The following NCAM2 variants were observed in gnomAD, a reference collection of about 807,000 sequenced individuals.
NCAM2 encodes neural cell adhesion molecule 2, also known as N-CAM-2.
A neutral mutation model predicts 98.1 loss-of-function variants in NCAM2; 30 were observed. That is an observed-to-expected ratio of 0.31 (90% CI 0.23 to 0.41). The LOEUF (loss-of-function observed/expected upper bound fraction) is 0.41. Ranked by LOEUF, NCAM2 falls within the 10% of genes least tolerant of loss-of-function variation. NCAM2 has a pLI of 1.00. For missense variants in NCAM2, 867 were observed against 1,005.8 expected (o/e 0.86, Z 1.87); for synonymous variants, 368 against 342.4 (o/e 1.07, Z -0.83).
intron 6 of NCAM2, among the ~76,000 whole-genome samples, chr21:21,326,023 A>T (rs1204326697): frequency 6.6e-6 from 1 of 152,140 alleles, no homozygotes; most frequent in Non-Finnish European, 1.5e-5. Context: ...TTCATTAAGG[A>T]ATGCTATAAA....
At chr21:21,363,157 TAGAG>T (rs1397496092) in intron 8 of NCAM2, among the ~76,000 whole-genome samples, 1 of 152,118 alleles carries the variant, frequency 6.6e-6, no homozygotes, top group African/African-American at 2.4e-5. Context: ...GGCCAAATGA[TAGAG>T]AAAGTGATAA....
At chr21:21,148,315 A>T (rs2067347332) in intron 1 of NCAM2, among the ~76,000 whole-genome samples, 1 of 152,178 alleles carries the variant, frequency 6.6e-6, no homozygotes, top group African/African-American at 2.4e-5. Context: ...GCTTTCTCTA[A>T]CTTTAATACT....
rs1451011341 is a variant in NCAM2, at chr21:21,231,815, A to G, written c.56-48763A>G. Among the ~76,000 whole-genome samples, 3 of 151,466 alleles carry G rather than the reference A, an allele frequency of 2.0e-5. No individual in the cohort carries two copies. The East Asian group carries it at 5.8e-4, about 29-fold the overall frequency. On this transcript the variant is annotated intron_variant, in intron 1 of 17. Transcript: ENST00000400546. Reference sequence around the variant, plus strand: ...GAGGTCTAAGATTTCCAAACAACTGATGAATATCTCTTTAAATGTAAAACC... The same window carrying G: ...GAGGTCTAAGATTTCCAAACAACTGGTGAATATCTCTTTAAATGTAAAACC...
chr21:21,198,072 A>G (rs1215504809), intron 1 of NCAM2, among the ~76,000 whole-genome samples: 4 of 152,300 alleles, frequency 2.6e-5, no homozygotes, highest in South Asian at 2.1e-4. Flanking sequence ...GAGTTAACAT[A>G]TATGAAAACC....
intron 11 of NCAM2, among the ~76,000 whole-genome samples, chr21:21,427,260 GA>G (rs2077234825): frequency 6.6e-6 from 1 of 151,364 alleles, no homozygotes; most frequent in Admixed American, 6.6e-5. Flanking sequence ...ACAGTAATAA[GA>G]CTGAGAAGAA....
chr21:21,343,253 A>G (rs1568956721), intron 8 of NCAM2, among the ~76,000 whole-genome samples: 2 of 152,016 alleles, frequency 1.3e-5, no homozygotes, highest in Non-Finnish European at 2.9e-5. Context: ...TGCCATATAA[A>G]ACAATCTAGA....
intron 1 of NCAM2, among the ~76,000 whole-genome samples, chr21:21,102,175 T>C (rs1206970750): frequency 6.6e-6 from 1 of 152,044 alleles, no homozygotes; most frequent in Non-Finnish European, 1.5e-5. Context: ...AAAACATGAC[T>C]CTTCAGGATT....
At chr21:21,054,680 A>C (rs2065178970) in intron 1 of NCAM2, among the ~76,000 whole-genome samples, 3 of 152,052 alleles carry the variant, frequency 2.0e-5, no homozygotes, top group Admixed American at 6.6e-5. Flanking sequence ...GAAATGAATT[A>C]AAAGTTTGAC....
chr21:21,263,787 G>A (rs1400066636), intron 1 of NCAM2, among the ~76,000 whole-genome samples: 1 of 152,128 alleles, frequency 6.6e-6, no homozygotes, highest in Non-Finnish European at 1.5e-5. Context: ...ATGATGCTGA[G>A]TAAACAGGCT....
chr21:21,240,353 T>C (rs2071015668), intron 1 of NCAM2, among the ~76,000 whole-genome samples: 1 of 145,372 alleles, frequency 6.9e-6, no homozygotes, highest in African/African-American at 2.6e-5. Flanking sequence ...AAATATATTA[T>C]ATAATTTTGC....
chr21:21,534,690 T>A (rs1372167141), intron 17 of NCAM2, 34 bp downstream of exon 17: 3 of 1,510,132 alleles, frequency 2.0e-6, no homozygotes, highest in Non-Finnish European at 2.7e-6. Flanking sequence ...TATGTTCAAA[T>A]GGGTATTGGC....
At chr21:21,210,799 G>GA (rs754637649) in intron 1 of NCAM2, 15 of 404,412 alleles carry the variant, frequency 3.7e-5, no homozygotes, top group Non-Finnish European at 6.0e-5. Flanking sequence ...CCTAGAGGGA[G>GA]AATGTGTCTT....
intron 5 of NCAM2, among the ~76,000 whole-genome samples, chr21:21,308,708 T>A (rs1349062491): frequency 1.3e-5 from 2 of 152,284 alleles, no homozygotes; most frequent in South Asian, 2.1e-4. Context: ...TTGTTCTCTG[T>A]CCCACATTCC....
chr21:21,358,641 G>A (rs550989567), intron 8 of NCAM2, among the ~76,000 whole-genome samples: 1 of 151,984 alleles, frequency 6.6e-6, no homozygotes, highest in East Asian at 1.9e-4. Flanking sequence ...GATAGTTTTG[G>A]CATTCCAAGT....
intron 1 of NCAM2, among the ~76,000 whole-genome samples, chr21:21,110,615 CTTTT>C (rs2066435208): frequency 6.7e-6 from 1 of 150,314 alleles, no homozygotes; most frequent in Admixed American, 6.6e-5. Context: ...TTTCATGGAT[CTTTT>C]CATGAGACTA....
At chr21:21,356,193 C>G (rs976865889) in intron 8 of NCAM2, among the ~76,000 whole-genome samples, 1 of 152,114 alleles carries the variant, frequency 6.6e-6, no homozygotes, top group Admixed American at 6.6e-5. Context: ...AAACTTATAA[C>G]AATTTAAATA....
chr21:21,216,067 GGGTCTCAGTTTTACTGTACCCAA>G (rs1172202671), intron 1 of NCAM2, among the ~76,000 whole-genome samples: 2 of 152,084 alleles, frequency 1.3e-5, no homozygotes, highest in Admixed American at 6.6e-5. Context: ...TCAGGACTTT[GGGTCTCAGTTTTACTGTACCCAA>G]GGCAATTTTT....
At chr21:21,181,823 T>C (rs2068482574) in intron 1 of NCAM2, among the ~76,000 whole-genome samples, 1 of 152,156 alleles carries the variant, frequency 6.6e-6, no homozygotes, top group Non-Finnish European at 1.5e-5. Flanking sequence ...GATCTTGTAT[T>C]AATTTATCAG....
intron 1 of NCAM2, among the ~76,000 whole-genome samples, chr21:21,040,525 A>G (rs1222873883): frequency 6.6e-6 from 1 of 152,154 alleles, no homozygotes; most frequent in African/African-American, 2.4e-5. Flanking sequence ...TCACAAGGAT[A>G]TAGGACAAAC....
Sources: gnomAD v4.1 joint callset for allele counts (sites outside exome capture counted in the v4.1 genomes callset) on GRCh38, gnomAD v4.1.1 for gene constraint, MANE v1.5 for transcripts, NCBI Gene and HGNC (gene_info 2026-07-23, HGNC 2026-07-21) for gene names.